The following PPM1L variants were observed in gnomAD, a reference collection of about 807,000 sequenced individuals.
The protein encoded by PPM1L is protein phosphatase 1L.
Under a neutral mutation model 31.4 loss-of-function variants are expected in PPM1L, and 13 were observed. The observed-to-expected ratio is 0.41, with a 90% confidence interval of 0.27 to 0.66. The LOEUF (loss-of-function observed/expected upper bound fraction) is 0.66. Ranked by LOEUF, PPM1L falls within the 30% of genes least tolerant of loss-of-function variation. The pLI, the probability that PPM1L is intolerant of heterozygous loss-of-function variation, is 0.29. For missense variants in PPM1L, 326 were observed against 453.7 expected (o/e 0.72, Z 2.56); for synonymous variants, 184 against 175.4 (o/e 1.05, Z -0.39).
At chr3:161,036,804 C>T (rs1157939507) in intron 2 of PPM1L, among the ~76,000 whole-genome samples, 1 of 152,122 alleles carries the variant, frequency 6.6e-6, no homozygotes, top group Non-Finnish European at 1.5e-5. Flanking sequence ...AGCAGAGATC[C>T]TTGATTTTAA....
chr3:161,008,025 C>A (rs1233369114), intron 2 of PPM1L, among the ~76,000 whole-genome samples: 1 of 152,180 alleles, frequency 6.6e-6, no homozygotes, highest in Non-Finnish European at 1.5e-5. Flanking sequence ...GCCCTCCTGG[C>A]TCTGGCTTCT....
At chr3:160,808,585 C>T (rs1375673817) in intron 1 of PPM1L, among the ~76,000 whole-genome samples, 2 of 152,098 alleles carry the variant, frequency 1.3e-5, no homozygotes, top group Non-Finnish European at 2.9e-5. Context: ...GGAGCAGTGG[C>T]ATCACTTGAC....
At position 160,953,434 on chromosome 3, in the gene PPM1L, A is replaced by T. The variant is rs896488266; in HGVS notation, c.400-8302A>T. Among the ~76,000 whole-genome samples, 4 of 152,236 alleles carry T rather than the reference A, an allele frequency of 2.6e-5. No homozygotes were observed. In the East Asian group the frequency reaches 7.7e-4, roughly 29 times the overall value. ...TTATTATGTGATGAGGCATATTTTC[A>T]TAGTTAAGGACATCAGAAGCCTGTT... On this transcript the variant is annotated intron_variant, in intron 1 of 3. Transcript: ENST00000498165.
intron 1 of PPM1L, among the ~76,000 whole-genome samples, chr3:160,937,885 A>T (rs1269679836): frequency 1.3e-5 from 2 of 152,172 alleles, no homozygotes. Flanking sequence ...ATTATTGTTC[A>T]ACATTACTTT....
At chr3:160,944,854 A>G (rs1316861383) in intron 1 of PPM1L, among the ~76,000 whole-genome samples, 1 of 41,738 alleles carries the variant, frequency 2.4e-5, no homozygotes, top group African/African-American at 6.9e-5. Flanking sequence ...TATATAACAT[A>G]TATTATATAT....
intron 1 of PPM1L, among the ~76,000 whole-genome samples, chr3:160,906,774 G>GA (rs1339213435): frequency 6.6e-6 from 1 of 152,146 alleles, no homozygotes; most frequent in African/African-American, 2.4e-5. Context: ...GTTGTTGGCA[G>GA]AAAAAATTTA....
At chr3:160,831,107 G>C (rs1713512894) in intron 1 of PPM1L, among the ~76,000 whole-genome samples, 1 of 152,102 alleles carries the variant, frequency 6.6e-6, no homozygotes, top group African/African-American at 2.4e-5. Context: ...GGAGAACCCA[G>C]GTTTTTCACT....
At chr3:160,887,414 C>T (rs1014954623) in intron 1 of PPM1L, among the ~76,000 whole-genome samples, 1 of 151,734 alleles carries the variant, frequency 6.6e-6, no homozygotes, top group African/African-American at 2.4e-5. Context: ...AAAGATCAAC[C>T]TCAAGACACA....
At chr3:160,843,232 A>G (rs1459335412) in intron 1 of PPM1L, among the ~76,000 whole-genome samples, 1 of 151,596 alleles carries the variant, frequency 6.6e-6, no homozygotes, top group African/African-American at 2.4e-5. Context: ...GTTCTAAACA[A>G]TAGTGTTCCT....
intron 1 of PPM1L, among the ~76,000 whole-genome samples, chr3:160,910,500 C>T (rs978566024): frequency 3.4e-4 from 52 of 152,056 alleles, no homozygotes; most frequent in South Asian, 2.1e-4. Context: ...TTAGTAGAGA[C>T]GGGGTTTTGC....
chr3:160,967,859 A>G (rs76987873), intron 2 of PPM1L, among the ~76,000 whole-genome samples: 3,413 of 152,134 alleles, frequency 0.022, 147 homozygotes, highest in African/African-American at 0.077. Context: ...CCATTTTCCT[A>G]TAAACTGATG....
At chr3:160,776,143 A>G (rs1711553668) in intron 1 of PPM1L, among the ~76,000 whole-genome samples, 1 of 152,242 alleles carries the variant, frequency 6.6e-6, no homozygotes, top group African/African-American at 2.4e-5. Flanking sequence ...ATTACATTTT[A>G]GAAAATGTTG....
chr3:160,848,535 C>G (rs1714153675), intron 1 of PPM1L, among the ~76,000 whole-genome samples: 1 of 152,324 alleles, frequency 6.6e-6, no homozygotes, highest in African/African-American at 2.4e-5. Context: ...ATTCTTCTGG[C>G]TGCTTCTTAA....
intron 1 of PPM1L, among the ~76,000 whole-genome samples, chr3:160,909,283 G>A (rs1713870829): frequency 6.6e-6 from 1 of 152,118 alleles, no homozygotes; most frequent in Admixed American, 6.5e-5. Context: ...GGCATGGGAA[G>A]GAAATGGAGA....
rs1290894181 is a variant in PPM1L, at chr3:161,029,988, A to G, written c.575-35415A>G. 2.6e-5 allele frequency among the ~76,000 whole-genome samples: 4 copies of G among 152,202 alleles called. No homozygotes were observed. The East Asian group carries it at 7.7e-4, about 29-fold the overall frequency. ...GAAAAGACTGAGCACAAGCTGGCCC[A>G]TGGAAACTTGGGAAACTTTTTTACC... On this transcript the variant is annotated intron_variant, in intron 2 of 3. Coordinates refer to ENST00000498165, the MANE Select transcript of PPM1L (RefSeq NM_139245.4).
intron 2 of PPM1L, among the ~76,000 whole-genome samples, chr3:160,982,922 TA>T (rs1214250315): frequency 1.3e-5 from 2 of 152,236 alleles, no homozygotes; most frequent in East Asian, 3.8e-4. Context: ...CTAGATTTTT[TA>T]AAAATGTTAT....
chr3:160,964,983 G>A (rs957506538), intron 2 of PPM1L, among the ~76,000 whole-genome samples: 23 of 151,982 alleles, frequency 1.5e-4, no homozygotes, highest in Admixed American at 5.9e-4. Flanking sequence ...TGGTTGCAGC[G>A]GCTCACGCCT....
At chr3:161,011,400 G>T (rs1482128860) in intron 2 of PPM1L, among the ~76,000 whole-genome samples, 1 of 152,088 alleles carries the variant, frequency 6.6e-6, no homozygotes, top group Non-Finnish European at 1.5e-5. Flanking sequence ...ACCAATACCA[G>T]GCTGTTTTGG....
intron 1 of PPM1L, 82 bp from the exon 2 acceptor site, chr3:160,961,654 T>C: frequency 7.9e-7 from 1 of 1,261,216 alleles, no homozygotes; most frequent in Non-Finnish European, 1.1e-6. Flanking sequence ...TTGAGCTTTC[T>C]CTATAGCACC....
Sources: gnomAD v4.1 joint callset for allele counts (sites outside exome capture counted in the v4.1 genomes callset) on GRCh38, gnomAD v4.1.1 for gene constraint, MANE v1.5 for transcripts, NCBI Gene and HGNC (gene_info 2026-07-23, HGNC 2026-07-21) for gene names.